FAF1: variants seen among roughly 807,000 people sequenced by gnomAD.
FAF1 encodes the protein Fas associated factor 1, also known as FAS-associated factor 1.
In FAF1, 25 loss-of-function variants were observed where a neutral mutation model predicts 92.5. The ratio of observed to expected loss-of-function variants is 0.27; its 90% CI spans 0.20 to 0.38. The LOEUF (loss-of-function observed/expected upper bound fraction) is 0.38. Ranked by LOEUF, FAF1 falls within the 10% of genes least tolerant of loss-of-function variation. FAF1 has a pLI of 1.00. For synonymous variants in FAF1, 234 were observed against 273.2 expected, an observed-to-expected ratio of 0.86 and a Z score of 1.42; for missense variants, 636 against 793.3, an observed-to-expected ratio of 0.80 and a Z score of 2.38.
intron 2 of FAF1, among the ~76,000 whole-genome samples, chr1:50,813,505 T>C (rs1450820492): frequency 6.6e-6 from 1 of 152,136 alleles, no homozygotes; most frequent in South Asian, 2.1e-4. Context: ...CTGTTGCCCA[T>C]GTTGGAGTGT....
At chr1:50,917,612 AAAGGGAAAGGAAAAAGG>A (rs1199841164) in intron 1 of FAF1, among the ~76,000 whole-genome samples, 1 of 149,386 alleles carries the variant, frequency 6.7e-6, no homozygotes, top group South Asian at 2.1e-4. Context: ...AAGGAAAGGA[AAAGGGAAAGGAAAAAGG>A]AAAGGAAAGG....
chr1:50,756,283 T>G (rs544570074), intron 4 of FAF1, among the ~76,000 whole-genome samples: 19 of 150,676 alleles, frequency 1.3e-4, no homozygotes, highest in Non-Finnish European at 2.6e-4. Flanking sequence ...TTCAAAGTTC[T>G]ACAAATCTCT....
intron 6 of FAF1, among the ~76,000 whole-genome samples, chr1:50,714,039 G>C (rs1479891506): frequency 6.6e-6 from 1 of 151,546 alleles, no homozygotes; most frequent in Non-Finnish European, 1.5e-5. Context: ...CCAAAGTGCT[G>C]GGATTACAGG....
chr1:50,835,626 T>C (rs1644194240), intron 2 of FAF1, among the ~76,000 whole-genome samples: 1 of 146,802 alleles, frequency 6.8e-6, no homozygotes, highest in African/African-American at 2.5e-5. Context: ...TATTTCCAAA[T>C]CTCTATTATG....
chr1:50,518,698 C>T (rs1441612489), intron 15 of FAF1, among the ~76,000 whole-genome samples: 2 of 152,104 alleles, frequency 1.3e-5, no homozygotes, highest in African/African-American at 2.4e-5. Context: ...CCTCGGCCTC[C>T]CACAGTGCTG....
At chr1:50,778,860 CAAAT>C (rs1332132277) in intron 4 of FAF1, among the ~76,000 whole-genome samples, 1 of 151,926 alleles carries the variant, frequency 6.6e-6, no homozygotes, top group African/African-American at 2.4e-5. Context: ...CACACACACA[CAAAT>C]AGAGCTTGCT....
chr1:50,753,414 C>A (rs997779344), intron 4 of FAF1, among the ~76,000 whole-genome samples: 1 of 152,172 alleles, frequency 6.6e-6, no homozygotes, highest in East Asian at 1.9e-4. Context: ...GGGGTTGTTT[C>A]CTGTTTGGAG....
At chr1:50,670,578 G>C (rs1655831459) in intron 7 of FAF1, among the ~76,000 whole-genome samples, 1 of 152,114 alleles carries the variant, frequency 6.6e-6, no homozygotes, top group Non-Finnish European at 1.5e-5. Context: ...AAATACTGCA[G>C]TTAAATTAAT....
chr1:50,934,825 C>A (rs1645073860), intron 1 of FAF1, among the ~76,000 whole-genome samples: 1 of 152,088 alleles, frequency 6.6e-6, no homozygotes, highest in Admixed American at 6.5e-5. Context: ...TTTCTTTCAA[C>A]ACTTTAAAGA....
chr1:50,869,527 T>C (rs1570078157), intron 1 of FAF1, among the ~76,000 whole-genome samples: 1 of 152,338 alleles, frequency 6.6e-6, no homozygotes, highest in South Asian at 2.1e-4. Flanking sequence ...TCAACTTTTA[T>C]TCATTTGAAT....
chr1:50,712,182 C>T (rs1341694958), intron 6 of FAF1, among the ~76,000 whole-genome samples: 1 of 152,186 alleles, frequency 6.6e-6, no homozygotes, highest in Non-Finnish European at 1.5e-5. Flanking sequence ...AGCAAACTTG[C>T]AATTCACATA....
intron 1 of FAF1, among the ~76,000 whole-genome samples, chr1:50,905,503 A>C (rs1360966720): frequency 2.6e-5 from 4 of 152,216 alleles, no homozygotes; most frequent in African/African-American, 9.7e-5. Context: ...TCCCACCAAC[A>C]GTGTAAAAGT....
chr1:50,958,504 T>G (rs1173215338), intron 1 of FAF1, among the ~76,000 whole-genome samples: 1 of 152,006 alleles, frequency 6.6e-6, no homozygotes, highest in Admixed American at 6.6e-5. Context: ...GGCGAAACCC[T>G]GTCTCTACTA....
intron 1 of FAF1, among the ~76,000 whole-genome samples, chr1:50,911,784 G>A (rs1203040847): frequency 6.6e-6 from 1 of 152,102 alleles, no homozygotes; most frequent in Non-Finnish European, 1.5e-5. Context: ...TGTAATCCCA[G>A]CACTTTGGGA....
intron 6 of FAF1, among the ~76,000 whole-genome samples, chr1:50,709,002 G>T (rs1657805316): frequency 6.6e-6 from 1 of 152,202 alleles, no homozygotes; most frequent in Admixed American, 6.5e-5. Flanking sequence ...ATCAATATAT[G>T]TATGTTGAAT....
At chr1:50,792,898 G>A (rs1030193291) in intron 3 of FAF1, among the ~76,000 whole-genome samples, 1 of 152,170 alleles carries the variant, frequency 6.6e-6, no homozygotes, top group African/African-American at 2.4e-5. Context: ...TGCACAGCAT[G>A]GACAGAAAGT....
intron 6 of FAF1, among the ~76,000 whole-genome samples, chr1:50,723,091 G>C (rs1297039796): frequency 6.6e-6 from 1 of 152,094 alleles, no homozygotes; most frequent in Non-Finnish European, 1.5e-5. Flanking sequence ...CAGATTATGA[G>C]GTGGTGGAGA....
chr1:50,710,529 C>T (rs1557487405), intron 6 of FAF1, among the ~76,000 whole-genome samples: 1 of 152,124 alleles, frequency 6.6e-6, no homozygotes, highest in East Asian at 1.9e-4. Context: ...CTATTTTAGG[C>T]ACTTAACCAC....
chr1:50,588,948 G>T (rs761197354), intron 9 of FAF1, among the ~76,000 whole-genome samples: 1 of 152,202 alleles, frequency 6.6e-6, no homozygotes, highest in Non-Finnish European at 1.5e-5. Context: ...CATGTGGGAT[G>T]GTCAGGGCTG....
Sources: allele counts gnomAD v4.1 joint callset (sites outside exome capture counted in the v4.1 genomes callset), GRCh38; gene constraint gnomAD v4.1.1; transcripts MANE v1.5; gene names NCBI Gene and HGNC (gene_info 2026-07-23, HGNC 2026-07-21).